Variants in CASKIN1 observed in about 807,000 individuals in gnomAD.
The protein encoded by CASKIN1 is CASK interacting protein 1.
Under a neutral mutation model 117.5 loss-of-function variants are expected in CASKIN1, and 42 were observed. The observed-to-expected ratio is 0.36, with a 90% CI of 0.28 to 0.46. The LOEUF is 0.46. Among genes scored for constraint, CASKIN1 ranks in the 20% least tolerant of loss-of-function variants. The pLI, the probability that CASKIN1 is intolerant of heterozygous loss-of-function variation, is 1.00. For missense variants in CASKIN1, 2,083 were observed against 2,077.3 expected, an observed-to-expected ratio of 1.00 and a Z score of -0.05; for synonymous variants, 1,148 against 961.7, an observed-to-expected ratio of 1.19 and a Z score of -3.59.
At position 2,179,952 on chromosome 16, in the gene CASKIN1, T is replaced by C. The variant is rs765428175; in HGVS notation, c.3416A>G (p.Lys1139Arg). ...CGTGTCAGACTCGGTCAGGATGAAC[T>C]TGACGTTCTCCTGCTGGTTCTGCTT... Reference protein sequence around the residue: ...RAKQNQQENVKFILTESDTVK... With the variant: ...RAKQNQQENVRFILTESDTVK... The change falls in exon 18 of 20, where the codon AAG (lysine) becomes AGG (arginine). Residue 1139 changes from lysine (K) to arginine (R), a missense_variant. Physicochemically the swap from Lys to Arg is conservative, Grantham distance 26 (BLOSUM62 2). Transcript: ENST00000343516. The surrounding 1 kb of genome is among the most constrained non-coding windows in gnomAD (Gnocchi z 5.8). The C allele has an allele frequency of 1.1e-5, 17 of 1,606,666 alleles. No homozygotes were observed. The South Asian group carries it at 1.8e-4, about 17-fold the overall frequency.
In CASKIN1 at chr16:2,181,103, G is replaced by A. The variant is rs779204503; in HGVS notation, c.2265C>T (p.Ser755=). 9 of 1,480,200 alleles carry A rather than the reference G, an allele frequency of 6.1e-6. No homozygotes were observed. The Admixed American group carries it at 7.8e-5, about 13-fold the overall frequency. 91.7% of individuals were successfully genotyped at this position (1,480,200 alleles called of 1,614,324 possible). The change falls in exon 18 of 20, where the codon AGC becomes AGT. Residue 755 remains serine, a synonymous_variant. Transcript: ENST00000343516. ...GTGGCTTGCCAGGCACGGGGGGCAC[G>A]CTGGCCCTCTTGATGCTGTGGCCGT... ...GRHGHSIKRA[S]VPPVPGKPRQ... is the part of the protein sequence containing the mutation.
At position 2,185,214 on chromosome 16, in the gene CASKIN1, G is replaced by A. The variant is rs767463709; in HGVS notation, c.1151-15C>T. 4 of 1,611,092 alleles carry A rather than the reference G, an allele frequency of 2.5e-6. No individual in the cohort carries two copies. The highest frequency in any genetic ancestry group is 3.4e-6 in the Non-Finnish European group (4 of 1,179,136). On this transcript the variant is annotated splice_polypyrimidine_tract_variant and intron_variant, in intron 11 of 19. Transcript: ENST00000343516. ...TCGGTCCCCACCTGCCAGCACAAGGGAGCAAGATGAGGCCAGTGCCGGCCC... is the reference window on the plus strand; with the variant it reads ...TCGGTCCCCACCTGCCAGCACAAGGAAGCAAGATGAGGCCAGTGCCGGCCC...
chr16:2,190,795 G>A (rs1441558347), intron 1 of CASKIN1, among the ~76,000 whole-genome samples: 1 of 152,144 alleles, frequency 6.6e-6, no homozygotes, highest in Admixed American at 6.5e-5. Context: ...GGCCAGGGAG[G>A]CTGGAACACC....
At position 2,187,063 on chromosome 16, in the gene CASKIN1, G is replaced by A. The variant is rs369517711; in HGVS notation, c.845C>T (p.Ala282Val). 3.3e-5 allele frequency: 53 copies of A among 1,613,466 alleles called. No individual in the cohort carries two copies. The highest frequency in any genetic ancestry group is 1.6e-4 in the Middle Eastern group (1 of 6,084). ...CTTGGTCGCCCGGACCTGCAGGGCC[G>A]CTGAGGCCTCTGGGGATACAGGAGG... ...EIKQLLREAS[A>V]ALQVRATKDY... is the part of the protein sequence containing the mutation. The change falls in exon 9 of 20, where the codon GCG (alanine) becomes GTG (valine). Residue 282 changes from alanine (A) to valine (V), a missense_variant. Transcript: ENST00000343516.
chr16:2,189,377 C>T (rs766467089), intron 4 of CASKIN1, 42 bp downstream of exon 4: 31 of 1,610,322 alleles, frequency 1.9e-5, no homozygotes, highest in Middle Eastern at 1.6e-4. Flanking sequence ...CCTCAGGCCG[C>T]GCTGCCCCGC....
chr16:2,180,482 C>T lies in CASKIN1; in HGVS notation c.2886G>A (p.Leu962=), dbSNP rs1391692813. The T allele has an allele frequency of 6.4e-7, 1 of 1,551,282 alleles. No homozygotes were observed. The highest frequency in any genetic ancestry group is 8.7e-7 in the Non-Finnish European group (1 of 1,154,820). The change falls in exon 18 of 20, where the codon CTG becomes CTA. Residue 962 remains leucine, a synonymous_variant. Transcript: ENST00000343516. ...RSSSALASAN[L]ADEPVPDAEP... is the part of the protein sequence containing the mutation. The stretch of plus-strand genomic sequence containing the variant: ...CGGCGTCAGGCACCGGCTCATCCGC[C>T]AGGTTGGCACTAGCCAGGGCCGAGC...
intron 1 of CASKIN1, among the ~76,000 whole-genome samples, chr16:2,192,871 G>A (rs950340730): frequency 6.6e-6 from 1 of 152,250 alleles, no homozygotes; most frequent in African/African-American, 2.4e-5. Context: ...CCGCGCAGCT[G>A]AGGTGCTCAG....
chr16:2,186,476 G>A (rs1250283749), intron 10 of CASKIN1, among the ~76,000 whole-genome samples: 1 of 152,142 alleles, frequency 6.6e-6, no homozygotes, highest in Non-Finnish European at 1.5e-5. Flanking sequence ...TCTAGTGGCC[G>A]GTTCAGAACC....
In CASKIN1 at chr16:2,182,468, C is replaced by T. The variant is rs575136572; in HGVS notation, c.1630-539G>A. ...TGCACCGAGAAACACCCGATCACTC[C>T]CCGAGCGGCATTCAGGCGTCCACAC... On this transcript the variant is annotated intron_variant, in intron 16 of 19. Coordinates refer to ENST00000343516, the MANE Select transcript of CASKIN1 (RefSeq NM_020764.4). The surrounding 1 kb of genome is among the most constrained non-coding windows in gnomAD (Gnocchi z 4.1). 6.6e-6 allele frequency among the ~76,000 whole-genome samples: 1 copy of T among 152,228 alleles called. No individual in the cohort carries two copies. The highest frequency in any genetic ancestry group is 1.9e-4 in the East Asian group (1 of 5,180).
At position 2,178,976 on chromosome 16, in the gene CASKIN1, C is replaced by G; in HGVS notation, c.4125G>C (p.Glu1375Asp). ...PGDSARQKLE[E>D]TSACLAAALQ... ...GCGCCGCGGCCAGGCACGCGCTTGT[C>G]TCCTCCAGTTTCTGCCGGGCGCTGT... Residue 1375 changes from glutamate (E) to aspartate (D), a missense_variant, in exon 19 of 20, where the codon GAG becomes GAC. Transcript: ENST00000343516. 6.9e-7 allele frequency: 1 copy of G among 1,449,324 alleles called. No homozygotes were observed. The highest frequency in any genetic ancestry group is 9.0e-7 in the Non-Finnish European group (1 of 1,107,438). The allele number at this position is 1,449,324 out of a possible 1,614,324, so 89.8% of individuals were successfully genotyped here. A position where few individuals can be genotyped will look rare whatever the true frequency, so the allele number is the denominator to read the frequency against.
rs1426804266 is a variant in CASKIN1, at chr16:2,180,639, A to G, written c.2729T>C (p.Val910Ala). Residue 910 changes from valine to alanine, a missense_variant, in exon 18 of 20, where the codon GTC becomes GCC. This residue lies in a region of CASKIN1 where 1,818 missense variants were observed against 1,688.9 expected (regional missense o/e 1.08). Coordinates refer to ENST00000343516, the MANE Select transcript of CASKIN1 (RefSeq NM_020764.4). ...VPAAAGPYAT[V>A]QRRVGRSHSV... is the part of the protein sequence containing the mutation. ...GTGGCTGCGGCCCACGCGCCGCTGGACCGTGGCATAGGGGCCGGCAGCCGC... is the reference window on the plus strand; with the variant it reads ...GTGGCTGCGGCCCACGCGCCGCTGGGCCGTGGCATAGGGGCCGGCAGCCGC... 3.2e-6 allele frequency: 5 copies of G among 1,545,836 alleles called. No individual in the cohort carries two copies. In the South Asian group the frequency reaches 4.7e-5, roughly 15 times the overall value.
chr16:2,196,329 C>A lies in CASKIN1; in HGVS notation c.94+10G>T. The A allele has an allele frequency of 8.1e-7, 1 of 1,229,528 alleles. No individual in the cohort carries two copies. Among genetic ancestry groups the A allele is most frequent in the Non-Finnish European group, 1.0e-6 (1 of 975,524 alleles). 76.2% of individuals were successfully genotyped at this position (1,229,528 alleles called of 1,614,324 possible). A position where few individuals can be genotyped will look rare whatever the true frequency, so the allele number is the denominator to read the frequency against. On this transcript the variant is annotated intron_variant, in intron 1 of 19. Transcript: ENST00000343516. This position sits in a 1 kb window ranked among gnomAD's most constrained non-coding sequence, Gnocchi z 5.7. Reference sequence around the variant, plus strand: ...GGCTCCCACCCGCGCCCCGCGCCCCCGGCACTCACTGGCCTTCCCGGGCCG... The same window carrying A: ...GGCTCCCACCCGCGCCCCGCGCCCCAGGCACTCACTGGCCTTCCCGGGCCG...
chr16:2,196,420 G>C lies in CASKIN1; in HGVS notation c.13C>G (p.Gln5Glu), dbSNP rs1184086232. 7.6e-7 allele frequency: 1 copy of C among 1,320,342 alleles called. No individual in the cohort carries two copies. The highest frequency in any genetic ancestry group is 9.8e-7 in the Non-Finnish European group (1 of 1,020,944). 81.8% of individuals were successfully genotyped at this position (1,320,342 alleles called of 1,614,324 possible). A position where few individuals can be genotyped will look rare whatever the true frequency, so the allele number is the denominator to read the frequency against. MGKEQELVQAVKAED... is the reference protein window; with the variant it reads MGKEEELVQAVKAED... ...GCCTTCACCGCCTGCACCAGCTCCT[G>C]CTCCTTCCCCATGGCGCGGCCGGGG... Residue 5 changes from glutamine to glutamate, a missense_variant, in exon 1 of 20, where the codon CAG (glutamine) becomes GAG (glutamate). This residue lies in a region of CASKIN1 where 62 missense variants were observed against 49.7 expected (regional missense o/e 1.25). Transcript: ENST00000343516. This position sits in a 1 kb window ranked among gnomAD's most constrained non-coding sequence, Gnocchi z 5.7.
At chr16:2,186,341 T>C (rs2093184360) in intron 10 of CASKIN1, among the ~76,000 whole-genome samples, 1 of 152,154 alleles carries the variant, frequency 6.6e-6, no homozygotes, top group South Asian at 2.1e-4. Context: ...TGGCCTTCTC[T>C]GACTGCCTCA....
intron 12 of CASKIN1, 27 bp downstream of exon 12, chr16:2,185,084 C>A (rs1464679035): frequency 1.2e-6 from 2 of 1,608,532 alleles, no homozygotes; most frequent in South Asian, 2.2e-5. Context: ...CCCTGGCCAC[C>A]CTGGCCCTGG....
In CASKIN1 at chr16:2,179,363, G is replaced by T; in HGVS notation, c.3776-38C>A. 1 of 1,328,074 alleles carries T rather than the reference G, an allele frequency of 7.5e-7. No individual in the cohort carries two copies. Among genetic ancestry groups the T allele is most frequent in the Admixed American group, 3.7e-5 (1 of 27,186 alleles). The allele number at this position is 1,328,074 out of a possible 1,614,324, so 82.3% of individuals were successfully genotyped here. A position where few individuals can be genotyped will look rare whatever the true frequency, so the allele number is the denominator to read the frequency against. On this transcript the variant is annotated intron_variant, in intron 18 of 19. Transcript: ENST00000343516. The surrounding 1 kb of genome is among the most constrained non-coding windows in gnomAD (Gnocchi z 5.8). ...CCACGCTGGCACCGAGCGGGCACGA[G>T]TTCCGCCGCCGCGCCCCCTGCCCCA...
intron 1 of CASKIN1, 112 bp from the exon 2 acceptor site, chr16:2,190,470 T>A: frequency 1.0e-6 from 1 of 955,586 alleles, no homozygotes; most frequent in East Asian, 2.6e-5. Flanking sequence ...GCTGCTGGGC[T>A]CTCAGTCTGC....
intron 1 of CASKIN1, among the ~76,000 whole-genome samples, chr16:2,195,932 C>T (rs2093214402): frequency 6.6e-6 from 1 of 151,658 alleles, no homozygotes; most frequent in Admixed American, 6.6e-5. Context: ...CGCCCCTCGC[C>T]GCAGGGGCCC....
chr16:2,178,349 C>A lies in CASKIN1; in HGVS notation c.*201G>T. 2.2e-6 allele frequency: 1 copy of A among 457,938 alleles called. No individual in the cohort carries two copies. The highest frequency in any genetic ancestry group is 3.9e-6 in the Non-Finnish European group (1 of 258,354). The allele number at this position is 457,938 out of a possible 1,614,324, so 28.4% of individuals were successfully genotyped here. A position where few individuals can be genotyped will look rare whatever the true frequency, so the allele number is the denominator to read the frequency against. On this transcript the variant is annotated 3_prime_UTR_variant, in exon 20 of 20. Coordinates refer to ENST00000343516, the MANE Select transcript of CASKIN1 (RefSeq NM_020764.4). ...GCAGCAGGTGGGGAGGACCCGCGGGCGCAGGGTCTGCCTAGAGCCCTTGGA... is the reference window on the plus strand; with the variant it reads ...GCAGCAGGTGGGGAGGACCCGCGGGAGCAGGGTCTGCCTAGAGCCCTTGGA...
Sources: gnomAD v4.1 joint callset for allele counts (sites outside exome capture counted in the v4.1 genomes callset) on GRCh38, gnomAD v4.1.1 for gene constraint, gnomAD v4.1.1 regional missense constraint, Gnocchi (gnomAD v3.1) non-coding constraint, MANE v1.5 for transcripts, NCBI Gene and HGNC (gene_info 2026-07-23, HGNC 2026-07-21) for gene names.